PIP5K1B: variants seen among roughly 807,000 people sequenced by gnomAD.
The protein encoded by PIP5K1B is phosphatidylinositol-4-phosphate 5-kinase type 1 beta.
A neutral mutation model predicts 67.0 loss-of-function variants in PIP5K1B; 42 were observed. That is an observed-to-expected ratio of 0.63 (90% CI 0.49 to 0.81). The LOEUF (loss-of-function observed/expected upper bound fraction) is 0.81. Ranked by LOEUF, PIP5K1B falls within the 30% of genes least tolerant of loss-of-function variation. PIP5K1B has a pLI of 0.00. For missense variants in PIP5K1B, 459 were observed against 646.3 expected, an observed-to-expected ratio of 0.71 and a Z score of 3.14; for synonymous variants, 214 against 231.4, an observed-to-expected ratio of 0.92 and a Z score of 0.68.
intron 2 of PIP5K1B, among the ~76,000 whole-genome samples, chr9:68,748,983 G>T (rs1010446100): frequency 1.3e-5 from 2 of 152,118 alleles, no homozygotes; most frequent in Non-Finnish European, 2.9e-5. Context: ...TTCTGAGGTG[G>T]ACAGAGCTGG....
intron 2 of PIP5K1B, among the ~76,000 whole-genome samples, chr9:68,816,433 C>G (rs1430584612): frequency 6.6e-6 from 1 of 152,082 alleles, no homozygotes; most frequent in African/African-American, 2.4e-5. Flanking sequence ...CCAGCCCAAT[C>G]AACATGTTTT....
chr9:68,853,935 G>A (rs887840872), intron 4 of PIP5K1B, among the ~76,000 whole-genome samples: 4 of 152,098 alleles, frequency 2.6e-5, no homozygotes, highest in African/African-American at 9.7e-5. Flanking sequence ...AAAGAGAAGA[G>A]AGGCTCCCAA....
chr9:68,925,057 A>G (rs777367147), intron 12 of PIP5K1B, among the ~76,000 whole-genome samples: 1 of 152,066 alleles, frequency 6.6e-6, no homozygotes, highest in Non-Finnish European at 1.5e-5. Flanking sequence ...TTTTCATATC[A>G]TTGTATATTC....
intron 14 of PIP5K1B, among the ~76,000 whole-genome samples, chr9:68,984,036 C>T (rs1475052009): frequency 6.6e-6 from 1 of 152,222 alleles, no homozygotes; most frequent in East Asian, 1.9e-4. Flanking sequence ...GCCTGGATGA[C>T]AGAGCAATAC....
intron 15 of PIP5K1B, among the ~76,000 whole-genome samples, chr9:69,001,439 A>G (rs1268243236): frequency 1.3e-5 from 2 of 152,166 alleles, no homozygotes; most frequent in East Asian, 1.9e-4. Flanking sequence ...GATAAGGTGT[A>G]TCAGTCCATT....
rs370935054 is a variant in PIP5K1B, at chr9:69,008,451, T to A, written c.*2T>A. The stretch of plus-strand genomic sequence containing the variant: ...CTGCTTTTTTGCTCCCCCCAGTAAG[T>A]GAAAATGGTGATCACCTAAGCACAT... On this transcript the variant is annotated 3_prime_UTR_variant, in exon 16 of 16. Transcript: ENST00000265382. The A allele has an allele frequency of 2.0e-5, 32 of 1,613,626 alleles. No individual in the cohort carries two copies. The highest frequency in any genetic ancestry group is 2.7e-5 in the Non-Finnish European group (32 of 1,179,676).
chr9:69,002,715 G>T (rs1333729159), intron 15 of PIP5K1B, among the ~76,000 whole-genome samples: 2 of 152,198 alleles, frequency 1.3e-5, no homozygotes, highest in Admixed American at 1.3e-4. Context: ...AGGCATGGTG[G>T]CTCATGCCTG....
At chr9:68,823,567 C>A (rs139081140) in intron 4 of PIP5K1B, among the ~76,000 whole-genome samples, 1 of 152,152 alleles carries the variant, frequency 6.6e-6, no homozygotes, top group Non-Finnish European at 1.5e-5. Context: ...CTTAACTTAC[C>A]AGTCTTTGAT....
intron 15 of PIP5K1B, among the ~76,000 whole-genome samples, chr9:69,006,757 T>A (rs1587797438): frequency 6.6e-6 from 1 of 152,194 alleles, no homozygotes; most frequent in Admixed American, 6.5e-5. Context: ...AGAACTCCAG[T>A]GTGATCTATA....
intron 4 of PIP5K1B, among the ~76,000 whole-genome samples, chr9:68,830,654 T>C (rs1834263489): frequency 6.6e-6 from 1 of 152,162 alleles, no homozygotes; most frequent in South Asian, 2.1e-4. Flanking sequence ...AATCGTATTC[T>C]ACACCCAAAA....
At chr9:68,746,419 T>C (rs1017459251) in intron 2 of PIP5K1B, among the ~76,000 whole-genome samples, 1 of 152,178 alleles carries the variant, frequency 6.6e-6, no homozygotes, top group African/African-American at 2.4e-5. Context: ...CAAGGCTTAA[T>C]TTTTGGTATA....
chr9:68,996,655 G>A (rs960475217), intron 15 of PIP5K1B, among the ~76,000 whole-genome samples: 5 of 152,174 alleles, frequency 3.3e-5, no homozygotes, highest in Non-Finnish European at 5.9e-5. Flanking sequence ...TGTTATTTCC[G>A]TTTCTAAGGC....
chr9:68,779,631 T>A (rs1587431690), intron 2 of PIP5K1B, among the ~76,000 whole-genome samples: 1 of 152,136 alleles, frequency 6.6e-6, no homozygotes, highest in Non-Finnish European at 1.5e-5. Context: ...CACTTTCTCC[T>A]CCCCTCCTGG....
Position 68,889,535 on chromosome 9 carries a change from C to A in PIP5K1B, c.471+402C>A, listed in dbSNP as rs541604027. Among the ~76,000 whole-genome samples the A allele has an allele frequency of 2.6e-5, 4 of 151,858 alleles. No homozygotes were observed. In the South Asian group the frequency reaches 6.3e-4, roughly 24 times the overall value. ...AGATCACAAGGTCAGGAGATTAAGA[C>A]CATCCTGGCTAACACAGTGAAACCC... On this transcript the variant is annotated intron_variant, in intron 7 of 15. Transcript: ENST00000265382.
intron 2 of PIP5K1B, among the ~76,000 whole-genome samples, chr9:68,743,448 C>G (rs547339145): frequency 1.3e-5 from 2 of 152,292 alleles, no homozygotes; most frequent in African/African-American, 4.8e-5. Flanking sequence ...AGTGATCATC[C>G]TGCCTCAGCC....
chr9:68,725,042 G>A (rs1400566211), intron 1 of PIP5K1B, among the ~76,000 whole-genome samples: 5 of 152,122 alleles, frequency 3.3e-5, no homozygotes, highest in African/African-American at 1.2e-4. Flanking sequence ...ACAACACCCA[G>A]TGCAGAATTA....
chr9:68,814,189 G>T (rs1034881577), intron 2 of PIP5K1B, among the ~76,000 whole-genome samples: 4 of 152,154 alleles, frequency 2.6e-5, no homozygotes, highest in Non-Finnish European at 4.4e-5. Flanking sequence ...TCTTACAGGA[G>T]ATCTGGGTAG....
At chr9:68,895,266 A>T (rs971831215) in intron 8 of PIP5K1B, among the ~76,000 whole-genome samples, 3 of 35,498 alleles carry the variant, frequency 8.5e-5, no homozygotes, top group South Asian at 1.7e-3. Flanking sequence ...GCAATGCTTT[A>T]AAAAAAAAAA....
chr9:68,736,653 TG>T (rs1828751046), intron 1 of PIP5K1B, among the ~76,000 whole-genome samples: 1 of 152,216 alleles, frequency 6.6e-6, no homozygotes, highest in African/African-American at 2.4e-5. Context: ...CCTTGACTCA[TG>T]GCCTCTCACT....
Sources: allele counts gnomAD v4.1 joint callset (sites outside exome capture counted in the v4.1 genomes callset), GRCh38; gene constraint gnomAD v4.1.1; transcripts MANE v1.5; gene names NCBI Gene and HGNC (gene_info 2026-07-23, HGNC 2026-07-21).